The following PHKB variants were observed in gnomAD, a reference collection of about 807,000 sequenced individuals.
PHKB encodes phosphorylase kinase regulatory subunit beta.
PHKB carries 122 observed loss-of-function variants against 152.1 expected under a neutral mutation model. The observed-to-expected ratio is 0.80, with a 90% CI of 0.69 to 0.93. The LOEUF is 0.93. PHKB is among the 40% of genes least tolerant of loss of function. The pLI is 0.00. For missense variants in PHKB, 1,304 were observed against 1,328.4 expected, an observed-to-expected ratio of 0.98 and a Z score of 0.29; for synonymous variants, 436 against 464.9, an observed-to-expected ratio of 0.94 and a Z score of 0.80.
In PHKB at chr16:47,664,900, C is replaced by T. The variant is rs570705767; in HGVS notation, c.2352C>T (p.Tyr784=). 39 of 1,613,244 alleles carry T rather than the reference C, an allele frequency of 2.4e-5. 1 individual carries two copies. Among genetic ancestry groups the T allele is most frequent in the Admixed American group, 2.3e-4 (14 of 59,964 alleles). Reference sequence around the variant, plus strand: ...ACACACCCAGGTTGGCGGTGCGCTACGGGGCTGCATTTACCCAGAAATTTT... The same window carrying T: ...ACACACCCAGGTTGGCGGTGCGCTATGGGGCTGCATTTACCCAGAAATTTT... ...GSQKLWLAVR[Y]GAAFTQKFSS... is the part of the protein sequence containing the mutation. Residue 784 remains tyrosine (Y), a synonymous_variant, in exon 25 of 31, where the codon TAC becomes TAT. Transcript: ENST00000323584.
intron 7 of PHKB, among the ~76,000 whole-genome samples, chr16:47,578,556 C>T (rs1033777580): frequency 1.3e-5 from 2 of 152,266 alleles, no homozygotes; most frequent in East Asian, 3.9e-4. Flanking sequence ...TCCAGGTCCC[C>T]AGTAGGCCTC....
At chr16:47,518,315 C>G (rs544555221) in intron 6 of PHKB, among the ~76,000 whole-genome samples, 1 of 152,142 alleles carries the variant, frequency 6.6e-6, no homozygotes, top group Non-Finnish European at 1.5e-5. Flanking sequence ...AATATAGGTA[C>G]TGCATTGTCT....
intron 26 of PHKB, among the ~76,000 whole-genome samples, chr16:47,686,721 A>G (rs1257517491): frequency 6.6e-6 from 1 of 152,122 alleles, no homozygotes; most frequent in Non-Finnish European, 1.5e-5. Flanking sequence ...GTGCTTAGCT[A>G]TTTGTATTTG....
intron 6 of PHKB, among the ~76,000 whole-genome samples, chr16:47,545,965 A>G (rs532460156): frequency 6.6e-6 from 1 of 152,272 alleles, no homozygotes; most frequent in South Asian, 2.1e-4. Flanking sequence ...TCTTCTCTAC[A>G]CTGTTTATTC....
chr16:47,614,342 G>T (rs547224368), intron 14 of PHKB, among the ~76,000 whole-genome samples: 1 of 152,322 alleles, frequency 6.6e-6, no homozygotes, highest in South Asian at 2.1e-4. Context: ...TTTGGGTGGG[G>T]ACATAGATCC....
intron 1 of PHKB, among the ~76,000 whole-genome samples, chr16:47,486,969 G>T (rs955017858): frequency 1.3e-5 from 2 of 152,160 alleles, no homozygotes; most frequent in Non-Finnish European, 2.9e-5. Flanking sequence ...AGCTAAGGCA[G>T]GAGAAGAATC....
chr16:47,660,711 C>T lies in PHKB; in HGVS notation c.2088C>T (p.Val696=), dbSNP rs1973427153. ...TAGAACCTCCCAAACATTCAAAAGT[C>T]AAACGGCAAAGCAGCACCCCTAGTG... ...EELEPPKHSK[V]KRQSSTPSAP... The change falls in exon 22 of 31, where the codon GTC becomes GTT. Residue 696 remains valine (V), a synonymous_variant. Transcript: ENST00000323584. 1.2e-6 allele frequency: 2 copies of T among 1,613,992 alleles called. No homozygotes were observed. The highest frequency in any genetic ancestry group is 3.3e-5 in the Admixed American group (2 of 59,998).
intron 14 of PHKB, among the ~76,000 whole-genome samples, chr16:47,628,726 G>C (rs1159389486): frequency 2.0e-5 from 3 of 151,840 alleles, no homozygotes; most frequent in Non-Finnish European, 2.9e-5. Flanking sequence ...TCTATCCTAA[G>C]CCAAAAGAAC....
chr16:47,663,225 A>G (rs992552437), intron 23 of PHKB, among the ~76,000 whole-genome samples: 6 of 152,192 alleles, frequency 3.9e-5, no homozygotes, highest in South Asian at 2.1e-4. Flanking sequence ...GAGCAGTAGC[A>G]TATGTTGGAA....
Position 47,661,807 on chromosome 16 carries a change from A to G in PHKB, c.2278+7A>G. The G allele has an allele frequency of 1.3e-6, 2 of 1,586,762 alleles. No homozygotes were observed. The highest frequency in any genetic ancestry group is 1.3e-5 in the African/African-American group (1 of 74,502). ...AACTTCATCACAAAGGAAGGTAAGCATGCATGTCTAGGAGAACATTTTAAG... is the reference window on the plus strand; with the variant it reads ...AACTTCATCACAAAGGAAGGTAAGCGTGCATGTCTAGGAGAACATTTTAAG... On this transcript the variant is annotated splice_region_variant and intron_variant, in intron 23 of 30. Transcript: ENST00000323584.
intron 29 of PHKB, among the ~76,000 whole-genome samples, chr16:47,697,684 G>T (rs1229033048): frequency 6.6e-6 from 1 of 152,170 alleles, no homozygotes; most frequent in African/African-American, 2.4e-5. Flanking sequence ...ACTATGAGGC[G>T]TGTTTCCTGT....
Position 47,503,066 on chromosome 16 carries a change from C to T in PHKB, c.381C>T (p.Tyr127=). Residue 127 remains tyrosine (Y), a synonymous_variant, in exon 4 of 31, where the codon TAC becomes TAT. Transcript: ENST00000323584. The part of the protein sequence containing the change: ...SAIKCMRGIL[Y]CYMRQADKVQ... ...TAAAATGCATGAGAGGAATTCTCTA[C>T]TGCTATATGCGTCAGGCCGATAAGG... is the stretch of plus-strand genomic sequence containing the variant. 1 of 1,607,166 alleles carries T rather than the reference C, an allele frequency of 6.2e-7. No homozygotes were observed. Among genetic ancestry groups the T allele is most frequent in the Non-Finnish European group, 8.5e-7 (1 of 1,173,634 alleles).
intron 14 of PHKB, among the ~76,000 whole-genome samples, chr16:47,629,571 T>G (rs1315441856): frequency 3.3e-5 from 5 of 150,364 alleles, no homozygotes; most frequent in African/African-American, 1.2e-4. Flanking sequence ...TTTACACTGT[T>G]GGTGGGACTG....
chr16:47,565,567 G>A lies in PHKB; in HGVS notation c.711-14728G>A, dbSNP rs1971550879. 3 of 1,104,270 alleles carry A rather than the reference G, an allele frequency of 2.7e-6. No homozygotes were observed. In the Admixed American group the frequency reaches 5.1e-5, roughly 19 times the overall value. 68.4% of individuals were successfully genotyped at this position (1,104,270 alleles called of 1,614,324 possible). A position where few individuals can be genotyped will look rare whatever the true frequency, so the allele number is the denominator to read the frequency against. ...GTGACAGTCTTCCTCCTTATTGAGT[G>A]TTTCATTTTCTAAAGACTTCTCACT... On this transcript the variant is annotated intron_variant, in intron 7 of 30. Coordinates refer to ENST00000323584, the MANE Select transcript of PHKB (RefSeq NM_000293.3).
chr16:47,580,235 T>C (rs1809730364), intron 7 of PHKB, 60 bp from the exon 8 acceptor site: 2 of 1,232,826 alleles, frequency 1.6e-6, no homozygotes, highest in South Asian at 1.2e-5. Context: ...CATCAGATAA[T>C]GGTTCTGATT....
intron 1 of PHKB, among the ~76,000 whole-genome samples, chr16:47,466,016 A>T (rs1026341849): frequency 2.0e-5 from 3 of 152,076 alleles, no homozygotes; most frequent in Admixed American, 6.5e-5. Flanking sequence ...GCATTGTTTT[A>T]TGTATTTTAA....
At chr16:47,593,947 A>T (rs1972075224) in intron 11 of PHKB, among the ~76,000 whole-genome samples, 190 bp from the exon 12 acceptor site, 1 of 152,206 alleles carries the variant, frequency 6.6e-6, no homozygotes, top group Non-Finnish European at 1.5e-5. Flanking sequence ...AAATGCTAAC[A>T]TGACTTTCTA....
chr16:47,536,015 A>G (rs1970946111), intron 6 of PHKB, among the ~76,000 whole-genome samples: 3 of 152,230 alleles, frequency 2.0e-5, no homozygotes. Context: ...ATTGAAAATA[A>G]TACACAGAAT....
intron 7 of PHKB, among the ~76,000 whole-genome samples, chr16:47,552,360 C>T (rs1278712602): frequency 6.6e-6 from 1 of 152,094 alleles, no homozygotes; most frequent in African/African-American, 2.4e-5. Flanking sequence ...ATTGGTTTTT[C>T]CTTTCCATAT....
Sources: gnomAD v4.1 joint callset for allele counts (sites outside exome capture counted in the v4.1 genomes callset) on GRCh38, gnomAD v4.1.1 for gene constraint, MANE v1.5 for transcripts, NCBI Gene and HGNC (gene_info 2026-07-23, HGNC 2026-07-21) for gene names.